The following STXBP4 variants were observed in gnomAD, a reference collection of about 807,000 sequenced individuals.
The protein encoded by STXBP4 is syntaxin binding protein 4, also known as syntaxin-binding protein 4.
In STXBP4, 55 loss-of-function variants were observed where a neutral mutation model predicts 76.1. The ratio of observed to expected loss-of-function variants is 0.72; its 90% CI spans 0.58 to 0.91. STXBP4 has a LOEUF of 0.91. Ranked by LOEUF, STXBP4 falls within the 40% of genes least tolerant of loss-of-function variation. STXBP4 has a pLI of 0.00. For synonymous variants in STXBP4, 201 were observed against 220.2 expected (o/e 0.91, Z 0.77); for missense variants, 618 against 636.9 (o/e 0.97, Z 0.32).
At chr17:55,107,125 T>A (rs2079645070) in intron 16 of STXBP4, among the ~76,000 whole-genome samples, 1 of 152,204 alleles carries the variant, frequency 6.6e-6, no homozygotes, top group Non-Finnish European at 1.5e-5. Context: ...TTGGAGGCTT[T>A]CTTCATTCCT....
intron 12 of STXBP4, among the ~76,000 whole-genome samples, chr17:55,051,918 A>T (rs1007440505): frequency 6.6e-6 from 1 of 152,118 alleles, no homozygotes; most frequent in African/African-American, 2.4e-5. Flanking sequence ...TCCTCAACAC[A>T]ATGGGGCTAT....
chr17:55,041,942 T>C (rs1463374898), intron 10 of STXBP4, among the ~76,000 whole-genome samples: 1 of 152,152 alleles, frequency 6.6e-6, no homozygotes, highest in African/African-American at 2.4e-5. Context: ...AAATTAACAA[T>C]ACAGAAATGA....
chr17:55,033,709 A>C (rs375544731), intron 9 of STXBP4, among the ~76,000 whole-genome samples: 1 of 152,130 alleles, frequency 6.6e-6, no homozygotes, highest in East Asian at 1.9e-4. Flanking sequence ...AATGGACAGG[A>C]TAAGAGGACC....
chr17:55,097,853 T>C (rs2079511625), intron 16 of STXBP4, among the ~76,000 whole-genome samples: 1 of 152,194 alleles, frequency 6.6e-6, no homozygotes. Context: ...GAGAATTCTA[T>C]AAGCTGGCTG....
chr17:55,153,726 C>T (rs2080241719), intron 17 of STXBP4, among the ~76,000 whole-genome samples: 1 of 152,068 alleles, frequency 6.6e-6, no homozygotes, highest in Admixed American at 6.6e-5. Context: ...ATTAAAGTAG[C>T]TTCTACATTT....
At chr17:55,091,825 G>A (rs2079418584) in intron 16 of STXBP4, among the ~76,000 whole-genome samples, 1 of 152,132 alleles carries the variant, frequency 6.6e-6, no homozygotes. Flanking sequence ...CACAAATTTG[G>A]TTCACGCACA....
chr17:55,036,202 C>G (rs566422851), intron 10 of STXBP4, among the ~76,000 whole-genome samples: 2 of 152,008 alleles, frequency 1.3e-5, no homozygotes, highest in East Asian at 3.9e-4. Flanking sequence ...ATTGCTTTGG[C>G]TAATCTTCAG....
intron 8 of STXBP4, among the ~76,000 whole-genome samples, chr17:55,011,160 T>C (rs997177742): frequency 2.0e-5 from 3 of 152,212 alleles, no homozygotes; most frequent in African/African-American, 7.2e-5. Flanking sequence ...AATTGCATTG[T>C]GTAATTTTAT....
At chr17:55,073,941 T>C (rs1194527004) in intron 13 of STXBP4, among the ~76,000 whole-genome samples, 1 of 152,164 alleles carries the variant, frequency 6.6e-6, no homozygotes, top group Non-Finnish European at 1.5e-5. Context: ...TGCAAACTTT[T>C]TTATGCAATT....
rs185577824 is a variant in STXBP4 at position 55,026,699 on chromosome 17, G to A, written c.667-4469G>A. Among the ~76,000 whole-genome samples the A allele has an allele frequency of 2.2e-3, 337 of 152,306 alleles. 5 individuals carry two copies. The highest frequency in any genetic ancestry group is 3.1e-4 in the Non-Finnish European group (21 of 68,024). ...ATGCATTTGCAGTCTATGGACCGAA[G>A]GAAGCTATTACTGATTCTATATTAC... On this transcript the variant is annotated intron_variant, in intron 8 of 17. Transcript: ENST00000376352.
chr17:55,043,642 T>A, intron 11 of STXBP4: 3 of 1,549,830 alleles, frequency 1.9e-6, no homozygotes, highest in Non-Finnish European at 2.6e-6. Flanking sequence ...GAAGAGCCAA[T>A]AAAGCAAGTC....
intron 12 of STXBP4, among the ~76,000 whole-genome samples, chr17:55,062,576 T>C (rs1315853269): frequency 6.6e-6 from 1 of 152,182 alleles, no homozygotes; most frequent in Non-Finnish European, 1.5e-5. Context: ...TGTGTGTCTT[T>C]ATAGTAGAAT....
At chr17:55,028,363 A>G (rs558398398) in intron 8 of STXBP4, among the ~76,000 whole-genome samples, 6 of 152,322 alleles carry the variant, frequency 3.9e-5, no homozygotes, top group South Asian at 2.1e-4. Context: ...CAATATTTGT[A>G]AAATGTACAG....
At chr17:55,205,929 G>A in the STXBP4 span, among the ~76,000 whole-genome samples, 2 of 151,720 alleles carry the variant, frequency 1.3e-5, no homozygotes, top group African/African-American at 4.8e-5. Flanking sequence ...ATTATTTCTA[G>A]CAGTATAAAA....
downstream of STXBP4, among the ~76,000 whole-genome samples, chr17:55,178,418 C>T (rs1257743919): frequency 6.6e-6 from 1 of 152,202 alleles, no homozygotes; most frequent in Non-Finnish European, 1.5e-5. Context: ...AAGTTACTTA[C>T]CTGCTGTCAG....
chr17:55,033,639 G>A (rs1252662516), intron 9 of STXBP4, among the ~76,000 whole-genome samples: 1 of 152,104 alleles, frequency 6.6e-6, no homozygotes, highest in Non-Finnish European at 1.5e-5. Flanking sequence ...TCTTTGCCAC[G>A]TGGCCTTGGA....
intron 16 of STXBP4, among the ~76,000 whole-genome samples, chr17:55,085,390 A>T (rs545297456): frequency 6.6e-6 from 1 of 152,206 alleles, no homozygotes; most frequent in Non-Finnish European, 1.5e-5. Flanking sequence ...TATAAGTTAA[A>T]TACAAGTTAA....
chr17:55,089,245 C>A (rs908379530), intron 16 of STXBP4, among the ~76,000 whole-genome samples: 51 of 152,136 alleles, frequency 3.4e-4, no homozygotes, highest in South Asian at 2.1e-4. Flanking sequence ...GCTGGTGCCA[C>A]ATTATTGTTA....
chr17:55,096,745 A>T (rs2079491685), intron 16 of STXBP4, among the ~76,000 whole-genome samples: 1 of 152,142 alleles, frequency 6.6e-6, no homozygotes, highest in African/African-American at 2.4e-5. Flanking sequence ...CTATTTGCGT[A>T]ACAATACATA....
Sources: allele counts gnomAD v4.1 joint callset (sites outside exome capture counted in the v4.1 genomes callset), GRCh38; gene constraint gnomAD v4.1.1; transcripts MANE v1.5; gene names NCBI Gene and HGNC (gene_info 2026-07-23, HGNC 2026-07-21).